Variants in THSD7B observed in about 807,000 individuals in gnomAD.
The protein encoded by THSD7B is thrombospondin type-1 domain-containing protein 7B.
A neutral mutation model predicts 213.6 loss-of-function variants in THSD7B; 138 were observed. The ratio of observed to expected loss-of-function variants is 0.65; its 90% confidence interval spans 0.56 to 0.74. THSD7B has a LOEUF of 0.74. THSD7B is among the 30% of genes least tolerant of loss of function. The pLI, the probability that THSD7B is intolerant of heterozygous loss-of-function variation, is 0.00. For synonymous variants in THSD7B, 742 were observed against 687.0 expected (o/e 1.08, Z -1.25); for missense variants, 1,931 against 1,991.5 (o/e 0.97, Z 0.58).
intron 2 of THSD7B, among the ~76,000 whole-genome samples, chr2:136,930,337 T>A (rs1031220587): frequency 6.6e-6 from 1 of 152,110 alleles, no homozygotes; most frequent in African/African-American, 2.4e-5. Flanking sequence ...ATCAGAGGCC[T>A]AGAGGAGAAT....
chr2:136,885,875 A>T (rs765987532), intron 2 of THSD7B, among the ~76,000 whole-genome samples: 3 of 152,150 alleles, frequency 2.0e-5, no homozygotes, highest in South Asian at 2.1e-4. Flanking sequence ...AGAAGGAAAA[A>T]TGAGGCCAGG....
intron 14 of THSD7B, among the ~76,000 whole-genome samples, chr2:137,415,158 T>A (rs981505338): frequency 6.6e-6 from 1 of 151,996 alleles, no homozygotes; most frequent in African/African-American, 2.4e-5. Flanking sequence ...CCCTTTTAAA[T>A]CTTTACTTGG....
intron 16 of THSD7B, among the ~76,000 whole-genome samples, chr2:137,567,349 A>G (rs558816808): frequency 2.8e-4 from 43 of 151,848 alleles, no homozygotes; most frequent in African/African-American, 9.7e-4. Context: ...TTGTATTTTT[A>G]GTAAAGAGAG....
chr2:137,184,641 A>G (rs1680517730), intron 7 of THSD7B, among the ~76,000 whole-genome samples: 2 of 152,166 alleles, frequency 1.3e-5, no homozygotes, highest in Admixed American at 6.6e-5. Flanking sequence ...TCAACTGTCT[A>G]TATTTGTCTA....
At position 137,594,293 on chromosome 2, in the gene THSD7B, C is replaced by T. The variant is rs560514855; in HGVS notation, c.3423+21737C>T. Among the ~76,000 whole-genome samples, 3 of 152,026 alleles carry T rather than the reference C, an allele frequency of 2.0e-5. No individual in the cohort carries two copies. The East Asian group carries it at 5.8e-4, about 29-fold the overall frequency. On this transcript the variant is annotated intron_variant, in intron 17 of 27. Transcript: ENST00000409968. ...TTAAATCTTCCAGGCACTTTTGATT[C>T]TCCTTAGAGTTTTAGAAAGGTAAGA...
At chr2:137,365,633 TG>T (rs1685389590) in intron 12 of THSD7B, among the ~76,000 whole-genome samples, 1 of 152,140 alleles carries the variant, frequency 6.6e-6, no homozygotes, top group Non-Finnish European at 1.5e-5. Context: ...AACAGACACA[TG>T]GAAAAATGCT....
At chr2:137,356,947 T>TACACAC (rs369031158) in intron 12 of THSD7B, among the ~76,000 whole-genome samples, 8 of 113,732 alleles carry the variant, frequency 7.0e-5, no homozygotes, top group Middle Eastern at 4.5e-3. Flanking sequence ...CACACACACA[T>TACACAC]ACACACACAC....
rs954184425 is a variant in THSD7B at position 137,266,443 on chromosome 2, C to T, written c.2267-6090C>T. Among the ~76,000 whole-genome samples the T allele has an allele frequency of 2.6e-5, 4 of 152,150 alleles. No homozygotes were observed. The South Asian group carries it at 8.3e-4, about 32-fold the overall frequency. Reference sequence around the variant, plus strand: ...TTCAATCTTTGTGAGAGAGGAATCACCAGGATGGGTTCAGTTTTGTTTTTG... The same window carrying T: ...TTCAATCTTTGTGAGAGAGGAATCATCAGGATGGGTTCAGTTTTGTTTTTG... On this transcript the variant is annotated intron_variant, in intron 10 of 27. Coordinates refer to ENST00000409968, the MANE Select transcript of THSD7B (RefSeq NM_001316349.2).
intron 20 of THSD7B, among the ~76,000 whole-genome samples, chr2:137,625,675 T>C (rs1331180029): frequency 6.6e-6 from 1 of 152,206 alleles, no homozygotes; most frequent in African/African-American, 2.4e-5. Context: ...GTGCAGCTCA[T>C]GTGGCTGCTC....
At chr2:137,028,042 T>C (rs761175689) in intron 2 of THSD7B, among the ~76,000 whole-genome samples, 1 of 152,220 alleles carries the variant, frequency 6.6e-6, no homozygotes, top group Non-Finnish European at 1.5e-5. Flanking sequence ...TATGTATATA[T>C]CTACACATAT....
At chr2:137,188,519 C>A (rs1240932425) in intron 7 of THSD7B, among the ~76,000 whole-genome samples, 2 of 152,172 alleles carry the variant, frequency 1.3e-5, no homozygotes, top group East Asian at 3.8e-4. Context: ...CATATTTTAT[C>A]TCTCTTACGG....
chr2:137,178,317 G>T (rs1573869920), intron 7 of THSD7B, among the ~76,000 whole-genome samples: 1 of 152,120 alleles, frequency 6.6e-6, no homozygotes, highest in African/African-American at 2.4e-5. Flanking sequence ...GTTTAGAGGA[G>T]AGAATTTTCA....
At chr2:136,930,992 G>T (rs1055060172) in intron 2 of THSD7B, among the ~76,000 whole-genome samples, 4 of 152,062 alleles carry the variant, frequency 2.6e-5, no homozygotes, top group African/African-American at 9.7e-5. Context: ...GCCAATAATA[G>T]TGCTTTCCCA....
intron 12 of THSD7B, among the ~76,000 whole-genome samples, chr2:137,334,306 G>A (rs1486391465): frequency 1.3e-5 from 2 of 152,022 alleles, no homozygotes; most frequent in Non-Finnish European, 2.9e-5. Context: ...CACCATCACT[G>A]TTCTTTTCCT....
At chr2:137,539,641 A>G (rs10205456) in intron 15 of THSD7B, among the ~76,000 whole-genome samples, 6,496 of 151,788 alleles carry the variant, frequency 0.043, 258 homozygotes, top group African/African-American at 0.11. Flanking sequence ...ATAATCTCAT[A>G]TTTAACTTCC....
At chr2:136,827,770 T>TGAGAGAGA (rs56349408) in intron 1 of THSD7B, among the ~76,000 whole-genome samples, 1 of 146,360 alleles carries the variant, frequency 6.8e-6, no homozygotes, top group African/African-American at 2.5e-5. Flanking sequence ...TACACTGAAA[T>TGAGAGAGA]GAGAGAGAGA....
At chr2:137,165,319 G>A (rs544405126) in intron 6 of THSD7B, among the ~76,000 whole-genome samples, 1 of 152,294 alleles carries the variant, frequency 6.6e-6, no homozygotes, top group East Asian at 1.9e-4. Flanking sequence ...GGTTTGTAAG[G>A]TCTTGTTAAA....
At chr2:136,998,782 A>G (rs932221930) in intron 2 of THSD7B, among the ~76,000 whole-genome samples, 1 of 152,150 alleles carries the variant, frequency 6.6e-6, no homozygotes, top group Non-Finnish European at 1.5e-5. Flanking sequence ...TTCTGAGTCT[A>G]AAGTTGTTTC....
intron 6 of THSD7B, among the ~76,000 whole-genome samples, chr2:137,163,121 G>A (rs1200906674): frequency 6.6e-6 from 1 of 151,938 alleles, no homozygotes; most frequent in East Asian, 1.9e-4. Context: ...CCCTCCCTTG[G>A]CCCCATTCCG....
Sources: gnomAD v4.1 joint callset for allele counts (sites outside exome capture counted in the v4.1 genomes callset) on GRCh38, gnomAD v4.1.1 for gene constraint, MANE v1.5 for transcripts, NCBI Gene and HGNC (gene_info 2026-07-23, HGNC 2026-07-21) for gene names.